Variants in CKS2 observed in about 807,000 individuals in gnomAD.
The protein encoded by CKS2 is cyclin-dependent kinases regulatory subunit 2.
A neutral mutation model predicts 14.3 loss-of-function variants in CKS2; 4 were observed. That is an observed-to-expected ratio of 0.28 (90% CI 0.14 to 0.64). The LOEUF (loss-of-function observed/expected upper bound fraction) is 0.64. Among genes scored for constraint, CKS2 ranks in the 30% least tolerant of loss-of-function variants. The pLI is 0.83. For missense variants in CKS2, 71 were observed against 94.3 expected (o/e 0.75, Z 1.02); for synonymous variants, 33 against 28.7 (o/e 1.15, Z -0.48).
intron 1 of CKS2, chr9:89,312,212 A>AG (rs2131462111): frequency 6.5e-6 from 1 of 154,890 alleles, no homozygotes; most frequent in Admixed American, 6.5e-5. Context: ...GCTGTAATCG[A>AG]TCAGTAAAAT....
chr9:89,315,155 TG>T lies in CKS2; in HGVS notation c.60-14del. 1 of 1,601,528 alleles carries T rather than the reference TG, an allele frequency of 6.2e-7. No homozygotes were observed. Among genetic ancestry groups the T allele is most frequent in the Non-Finnish European group, 8.5e-7 (1 of 1,173,968 alleles). On this transcript the variant is annotated splice_polypyrimidine_tract_variant and intron_variant, in intron 1 of 2. Coordinates refer to ENST00000314355, the MANE Select transcript of CKS2 (RefSeq NM_001827.3). The stretch of plus-strand genomic sequence containing the variant: ...AAAAGGCACTGGACTAACACTTGGC[TG>T]TATCTTGTAACAGGCATGTTATGTT...
intron 1 of CKS2, among the ~76,000 whole-genome samples, chr9:89,311,842 G>C (rs1824615956): frequency 6.6e-6 from 1 of 152,206 alleles, no homozygotes; most frequent in Non-Finnish European, 1.5e-5. Context: ...GGGTGATGCA[G>C]CTTTTACTAG....
chr9:89,311,818 C>G (rs570109682), intron 1 of CKS2, among the ~76,000 whole-genome samples: 2 of 152,236 alleles, frequency 1.3e-5, no homozygotes, highest in Non-Finnish European at 1.5e-5. Context: ...GACACACTTT[C>G]CCTGTCGCTG....
chr9:89,315,759 A>G (rs1000574707), intron 2 of CKS2, among the ~76,000 whole-genome samples: 3 of 152,306 alleles, frequency 2.0e-5, no homozygotes, highest in African/African-American at 4.8e-5. Flanking sequence ...TTATGCTATT[A>G]TGTGGTATTA....
rs1416143017 is a variant in CKS2 at position 89,311,238 on chromosome 9, TCTG to T, written c.-50_-48del. ...GTTGCCTGGGCTGGACGTGGTTTTG[TCTG>T]CTGCGCCCGCTCTTCGCGCTCTCGT... On this transcript the variant is annotated 5_prime_UTR_variant, in exon 1 of 3. Transcript: ENST00000314355. 6.6e-7 allele frequency: 1 copy of T among 1,509,004 alleles called. No homozygotes were observed. The highest frequency in any genetic ancestry group is 1.4e-5 in the African/African-American group (1 of 72,384). The allele number at this position is 1,509,004 out of a possible 1,614,324, so 93.5% of individuals were successfully genotyped here.
At chr9:89,311,940 T>C (rs1824617820) in intron 1 of CKS2, among the ~76,000 whole-genome samples, 1 of 152,138 alleles carries the variant, frequency 6.6e-6, no homozygotes, top group South Asian at 2.1e-4. Context: ...GTGAGTGGTA[T>C]AAGAATAAGC....
chr9:89,312,206 TAA>T, intron 1 of CKS2: 1 of 154,862 alleles, frequency 6.5e-6, no homozygotes, highest in Admixed American at 6.5e-5. Context: ...ATGGTGGCTG[TAA>T]TCGATCAGTA....
intron 2 of CKS2, among the ~76,000 whole-genome samples, 165 bp from the exon 3 acceptor site, chr9:89,316,208 T>C (rs1459737896): frequency 1.3e-5 from 2 of 152,146 alleles, no homozygotes; most frequent in Non-Finnish European, 2.9e-5. Context: ...TTTTAATCTA[T>C]TTACTGTAGA....
intron 1 of CKS2, among the ~76,000 whole-genome samples, chr9:89,314,110 A>G (rs1824667036): frequency 6.6e-6 from 1 of 152,222 alleles, no homozygotes; most frequent in African/African-American, 2.4e-5. Flanking sequence ...GATATCTTAT[A>G]CTGGTTAAAA....
intron 1 of CKS2, 56 bp downstream of exon 1, chr9:89,311,407 G>T: frequency 6.7e-7 from 1 of 1,495,122 alleles, no homozygotes; most frequent in Non-Finnish European, 9.1e-7. Flanking sequence ...CCCCGCGGGC[G>T]GGGCGACCCA....
intron 1 of CKS2, among the ~76,000 whole-genome samples, chr9:89,312,745 G>C (rs1824643007): frequency 1.3e-5 from 2 of 152,138 alleles, no homozygotes; most frequent in South Asian, 4.1e-4. Context: ...TATGCTGGCA[G>C]TGTTCAATTA....
At position 89,311,209 on chromosome 9, in the gene CKS2, A is replaced by C; in HGVS notation, c.-84A>C. 4.5e-6 allele frequency: 5 copies of C among 1,109,900 alleles called. No homozygotes were observed. Among genetic ancestry groups the C allele is most frequent in the Non-Finnish European group, 4.0e-6 (3 of 741,920 alleles). The allele number at this position is 1,109,900 out of a possible 1,614,324, so 68.8% of individuals were successfully genotyped here. ...GGACTGCGGTCGTTAGTCTCCGGCG[A>C]GTTGTTGCCTGGGCTGGACGTGGTT... On this transcript the variant is annotated 5_prime_UTR_variant, in exon 1 of 3. Coordinates refer to ENST00000314355, the MANE Select transcript of CKS2 (RefSeq NM_001827.3).
intron 2 of CKS2, among the ~76,000 whole-genome samples, chr9:89,315,520 ATAATG>A (rs1824692688): frequency 7.6e-6 from 1 of 131,986 alleles, no homozygotes; most frequent in South Asian, 2.7e-4. Context: ...TACTTGGAAA[ATAATG>A]TAAGAAGTAA....
At position 89,312,707 on chromosome 9, in the gene CKS2, A is replaced by G. The variant is rs75634764; in HGVS notation, c.59+1356A>G. ...ATTTCAAGTAGATTGTGTTAACCTT[A>G]TAGTAATAATAAACTATACTCGTGT... On this transcript the variant is annotated intron_variant, in intron 1 of 2. Coordinates refer to ENST00000314355, the MANE Select transcript of CKS2 (RefSeq NM_001827.3). 9.5e-3 allele frequency among the ~76,000 whole-genome samples: 1,453 copies of G among 152,314 alleles called. 15 individuals carry two copies. The highest frequency in any genetic ancestry group is 0.024 in the African/African-American group (993 of 41,556).
At chr9:89,316,691 TATGTTGCATTTATCACTGTTTC>T in exon 3 of CKS2, 1 of 335,758 alleles carries the variant, frequency 3.0e-6, no homozygotes, top group African/African-American at 2.1e-5. Context: ...ATAAAGTTTG[TATGTTGCATTTATCACTGTTTC>T]AAGTTTTTGA....
intron 1 of CKS2, among the ~76,000 whole-genome samples, chr9:89,314,850 C>T (rs1587815503): frequency 6.6e-6 from 1 of 152,168 alleles, no homozygotes; most frequent in Non-Finnish European, 1.5e-5. Context: ...TACACATTTT[C>T]TTATATCTTG....
At position 89,311,292 on chromosome 9, in the gene CKS2, G is replaced by A. The variant is rs901739509; in HGVS notation, c.-1G>A. 1.2e-6 allele frequency: 2 copies of A among 1,610,926 alleles called. No individual in the cohort carries two copies. The highest frequency in any genetic ancestry group is 2.3e-5 in the East Asian group (1 of 44,292). On this transcript the variant is annotated 5_prime_UTR_variant, in exon 1 of 3. Transcript: ENST00000314355. ...TTCATTTTCTGCAGCGCGCCAGCAG[G>A]ATGGCCCACAAGCAGATCTACTACT...
At chr9:89,315,905 T>C (rs1824702440) in intron 2 of CKS2, among the ~76,000 whole-genome samples, 1 of 152,206 alleles carries the variant, frequency 6.6e-6, no homozygotes, top group Non-Finnish European at 1.5e-5. Context: ...TTGAACAAAA[T>C]TTGAAGACAT....
intron 2 of CKS2, 118 bp downstream of exon 2, chr9:89,315,415 A>G: frequency 1.1e-6 from 1 of 923,296 alleles, no homozygotes; most frequent in Non-Finnish European, 1.5e-6. Flanking sequence ...TGTTCTGATA[A>G]GTTTTTTTTT....
Sources: gnomAD v4.1 joint callset for allele counts (sites outside exome capture counted in the v4.1 genomes callset) on GRCh38, gnomAD v4.1.1 for gene constraint, MANE v1.5 for transcripts, NCBI Gene and HGNC (gene_info 2026-07-23, HGNC 2026-07-21) for gene names.